GRM7: variants seen among roughly 807,000 people sequenced by gnomAD.
GRM7 encodes the protein glutamate metabotropic receptor 7.
A neutral mutation model predicts 84.5 loss-of-function variants in GRM7; 35 were observed. The observed-to-expected ratio is 0.41, with a 90% confidence interval of 0.32 to 0.55. GRM7 has a LOEUF of 0.55. Ranked by LOEUF, GRM7 falls within the 20% of genes least tolerant of loss-of-function variation. The pLI is 0.19. For missense variants in GRM7, 1,003 were observed against 1,194.6 expected (o/e 0.84, Z 2.36); for synonymous variants, 487 against 455.1 (o/e 1.07, Z -0.89).
rs1357839475 is a variant in GRM7, at chr3:7,130,979, AATT to A, written c.520-15470_520-15468del. Reference sequence around the variant, plus strand: ...CACACACGCACACACGTGCGCAAGGAATTATATCAGGATTTATTAGTCCTGAAT... The same window carrying A: ...CACACACGCACACACGTGCGCAAGGAATATCAGGATTTATTAGTCCTGAAT... On this transcript the variant is annotated intron_variant, in intron 1 of 9. Coordinates refer to ENST00000357716, the MANE Select transcript of GRM7 (RefSeq NM_000844.4). Among the ~76,000 whole-genome samples the A allele has an allele frequency of 2.6e-5, 4 of 152,302 alleles. No individual in the cohort carries two copies. The South Asian group carries it at 6.2e-4, about 24-fold the overall frequency.
chr3:7,459,401 G>C (rs780778954), intron 6 of GRM7, among the ~76,000 whole-genome samples: 1 of 152,094 alleles, frequency 6.6e-6, no homozygotes, highest in African/African-American at 2.4e-5. Flanking sequence ...TTGGGGTTCA[G>C]GGCATGTATT....
At chr3:6,883,114 A>T (rs934007946) in intron 1 of GRM7, among the ~76,000 whole-genome samples, 1 of 152,176 alleles carries the variant, frequency 6.6e-6, no homozygotes, top group Non-Finnish European at 1.5e-5. Context: ...TGTTGAGTAA[A>T]ACATGAGACC....
At position 7,486,463 on chromosome 3, in the gene GRM7, G is replaced by A. The variant is rs1235181884; in HGVS notation, c.1515+24741G>A. On this transcript the variant is annotated intron_variant, in intron 7 of 9. Transcript: ENST00000357716. This position sits in a 1 kb window ranked among gnomAD's most constrained non-coding sequence, Gnocchi z 5.5. ...TTGAGAGGCAATTGGGTCATAAAGC[G>A]TACTCCTTTATGAAGGGATTAATGC... is the stretch of plus-strand genomic sequence containing the variant. 3.3e-5 allele frequency among the ~76,000 whole-genome samples: 5 copies of A among 152,136 alleles called. No individual in the cohort carries two copies. Among genetic ancestry groups the A allele is most frequent in the Admixed American group, 6.5e-5 (1 of 15,276 alleles).
At position 6,961,018 on chromosome 3, in the gene GRM7, G is replaced by T. The variant is rs146973152; in HGVS notation, c.519+99111G>T. On this transcript the variant is annotated intron_variant, in intron 1 of 9. Transcript: ENST00000357716. The stretch of plus-strand genomic sequence containing the variant: ...CTTCTGTTTTTCTCTCACTATTTTT[G>T]TCCTTATTTCTGGTGATTTCAAAAT... 4.5e-4 allele frequency among the ~76,000 whole-genome samples: 69 copies of T among 152,046 alleles called. 1 individual carries two copies. Among genetic ancestry groups the T allele is most frequent in the Middle Eastern group, 6.8e-3 (2 of 294 alleles).
intron 1 of GRM7, among the ~76,000 whole-genome samples, chr3:6,929,896 G>A (rs1462113821): frequency 6.6e-6 from 1 of 152,116 alleles, no homozygotes; most frequent in Non-Finnish European, 1.5e-5. Context: ...CACATCAGAT[G>A]GGAACAACGC....
rs202073441 is a variant in GRM7, at chr3:7,578,807, C to T, written c.1901C>T (p.Thr634Met). 4.8e-5 allele frequency: 77 copies of T among 1,614,072 alleles called. No individual in the cohort carries two copies. The highest frequency in any genetic ancestry group is 1.7e-4 in the Middle Eastern group (1 of 6,058). Residue 634 changes from threonine to methionine, a missense_variant, in exon 8 of 10, where the codon ACG (threonine) becomes ATG (methionine). Physicochemically the swap from Thr to Met is moderately conservative, Grantham distance 81. Around this residue, in one of 2 missense-constraint regions of GRM7, gnomAD observed 910 missense variants for 1,126.0 expected, o/e 0.81. Transcript: ENST00000357716. Reference sequence around the variant, plus strand: ...CGGGAACTCAGCTATGTTCTTTTGACGGGCATCTTTCTTTGCTACATCATC... The same window carrying T: ...CGGGAACTCAGCTATGTTCTTTTGATGGGCATCTTTCTTTGCTACATCATC... ...SGRELSYVLL[T>M]GIFLCYIITF...
At chr3:7,091,629 A>C (rs1698666375) in intron 1 of GRM7, among the ~76,000 whole-genome samples, 1 of 151,316 alleles carries the variant, frequency 6.6e-6, no homozygotes, top group South Asian at 2.1e-4. Context: ...GCTGTAGTGA[A>C]TAGCAAAATC....
chr3:7,322,939 T>C (rs1700842440), intron 4 of GRM7, among the ~76,000 whole-genome samples: 1 of 152,112 alleles, frequency 6.6e-6, no homozygotes, highest in South Asian at 2.1e-4. Context: ...CTGATTGACT[T>C]CCTTAGAAGC....
At chr3:7,155,427 G>C (rs909711963) in intron 2 of GRM7, among the ~76,000 whole-genome samples, 1 of 151,500 alleles carries the variant, frequency 6.6e-6, no homozygotes, top group African/African-American at 2.4e-5. Context: ...GGCTTTAACT[G>C]TGCCCACACA....
chr3:6,960,512 C>T (rs1343556124), intron 1 of GRM7, among the ~76,000 whole-genome samples: 3 of 152,150 alleles, frequency 2.0e-5, no homozygotes, highest in Non-Finnish European at 4.4e-5. Flanking sequence ...TACTCTGTAA[C>T]CACCAAAAAA....
intron 4 of GRM7, among the ~76,000 whole-genome samples, chr3:7,337,490 G>C (rs1161820162): frequency 1.3e-5 from 2 of 152,054 alleles, no homozygotes; most frequent in Admixed American, 6.6e-5. Flanking sequence ...CACAGAGTGG[G>C]AGAAAGTATT....
At chr3:7,000,106 T>C (rs143151642) in intron 1 of GRM7, among the ~76,000 whole-genome samples, 2 of 151,824 alleles carry the variant, frequency 1.3e-5, no homozygotes, top group African/African-American at 4.8e-5. Context: ...CATGCTAAAG[T>C]TTTTTGTAAC....
chr3:7,732,802 G>A (rs1702377300), intron 9 of GRM7, among the ~76,000 whole-genome samples: 1 of 152,182 alleles, frequency 6.6e-6, no homozygotes, highest in Admixed American at 6.5e-5. Flanking sequence ...GCAGAAGAAA[G>A]AATTCAGGGT....
At chr3:7,115,282 T>C (rs1440753344) in intron 1 of GRM7, among the ~76,000 whole-genome samples, 1 of 152,176 alleles carries the variant, frequency 6.6e-6, no homozygotes, top group Admixed American at 6.6e-5. Context: ...AAAGTCACTC[T>C]GCTTCTGTGT....
intron 7 of GRM7, among the ~76,000 whole-genome samples, chr3:7,482,539 G>C (rs541412704): frequency 6.6e-6 from 1 of 152,198 alleles, no homozygotes; most frequent in South Asian, 2.1e-4. Flanking sequence ...CATGTCCTTA[G>C]AGAGCGAGTT....
intron 4 of GRM7, among the ~76,000 whole-genome samples, chr3:7,344,764 C>T (rs1420072901): frequency 6.6e-6 from 1 of 151,972 alleles, no homozygotes; most frequent in Non-Finnish European, 1.5e-5. Context: ...ACTTGAGGCT[C>T]AGAAGGTTAG....
intron 1 of GRM7, among the ~76,000 whole-genome samples, chr3:6,865,043 C>T (rs1694893933): frequency 6.6e-6 from 1 of 152,174 alleles, no homozygotes; most frequent in African/African-American, 2.4e-5. Context: ...CAAATCAATC[C>T]AGGAATTTGA....
chr3:7,300,739 T>C (rs1243025274), intron 3 of GRM7, among the ~76,000 whole-genome samples: 1 of 151,884 alleles, frequency 6.6e-6, no homozygotes, highest in East Asian at 1.9e-4. Context: ...AAGATTTCTC[T>C]GATCAATGTC....
intron 2 of GRM7, among the ~76,000 whole-genome samples, chr3:7,259,688 TC>T (rs370177860): frequency 6.6e-6 from 1 of 152,212 alleles, no homozygotes; most frequent in African/African-American, 2.4e-5. Flanking sequence ...CAGTATACCA[TC>T]ATTGGGCATA....
Sources: allele counts gnomAD v4.1 joint callset (sites outside exome capture counted in the v4.1 genomes callset), GRCh38; gene constraint gnomAD v4.1.1; regional missense constraint gnomAD v4.1.1; non-coding constraint Gnocchi (gnomAD v3.1); transcripts MANE v1.5; gene names NCBI Gene and HGNC (gene_info 2026-07-23, HGNC 2026-07-21).